Variants in RFX3 observed in about 807,000 individuals in gnomAD.
The protein encoded by RFX3 is regulatory factor X3, also known as transcription factor RFX3.
RFX3 carries 14 observed loss-of-function variants against 98.6 expected under a neutral mutation model. The ratio of observed to expected loss-of-function variants is 0.14; its 90% CI spans 0.09 to 0.22. RFX3 has a LOEUF of 0.22. Ranked by LOEUF, RFX3 falls within the 10% of genes least tolerant of loss-of-function variation. The pLI is 1.00. For synonymous variants in RFX3, 383 were observed against 328.4 expected, an observed-to-expected ratio of 1.17 and a Z score of -1.80; for missense variants, 639 against 926.9, an observed-to-expected ratio of 0.69 and a Z score of 4.03.
At chr9:3,323,894 G>A (rs769156158) in intron 4 of RFX3, 7 of 231,180 alleles carry the variant, frequency 3.0e-5, no homozygotes, top group Admixed American at 8.9e-5. Context: ...TATCAGCTTC[G>A]AGGCTGGAGC....
At chr9:3,486,736 T>C (rs1339844638) in intron 1 of RFX3, among the ~76,000 whole-genome samples, 1 of 152,232 alleles carries the variant, frequency 6.6e-6, no homozygotes, top group East Asian at 1.9e-4. Context: ...ATTTGTAGAA[T>C]GCTATGATTT....
intron 4 of RFX3, among the ~76,000 whole-genome samples, chr9:3,305,892 A>G (rs141210394): frequency 9.2e-5 from 14 of 152,166 alleles, no homozygotes; most frequent in East Asian, 1.9e-4. Flanking sequence ...GAGTTTACCA[A>G]TCTCAAGAAA....
chr9:3,446,852 A>T (rs893672435), intron 1 of RFX3, among the ~76,000 whole-genome samples: 1 of 152,110 alleles, frequency 6.6e-6, no homozygotes, highest in African/African-American at 2.4e-5. Context: ...CTGCTGTTTT[A>T]TGTTAAAATC....
intron 1 of RFX3, among the ~76,000 whole-genome samples, chr9:3,408,813 G>A (rs1010953838): frequency 6.6e-6 from 1 of 152,146 alleles, no homozygotes; most frequent in Non-Finnish European, 1.5e-5. Context: ...TCCAAATACA[G>A]TAGTAGTCTT....
At chr9:3,348,923 C>T (rs1038572106) in intron 2 of RFX3, among the ~76,000 whole-genome samples, 5 of 152,018 alleles carry the variant, frequency 3.3e-5, no homozygotes, top group African/African-American at 1.2e-4. Context: ...TACTCAAGAT[C>T]TGGAATCAGA....
intron 12 of RFX3, 54 bp from the exon 13 acceptor site, chr9:3,263,138 A>C: frequency 6.4e-7 from 1 of 1,571,690 alleles, no homozygotes. Flanking sequence ...AAAAGAAACC[A>C]CTGCAATTTT....
At chr9:3,247,574 A>C (rs1191429670) in intron 15 of RFX3, 1 of 1,216,620 alleles carries the variant, frequency 8.2e-7, no homozygotes, top group Admixed American at 3.9e-5. Flanking sequence ...GTGTCCAAAA[A>C]ATGTTAGTTA....
chr9:3,464,746 T>G (rs1254600779), intron 1 of RFX3, among the ~76,000 whole-genome samples: 2 of 152,136 alleles, frequency 1.3e-5, no homozygotes, highest in African/African-American at 4.8e-5. Flanking sequence ...TTAAAATTGG[T>G]GAATTACACA....
Position 3,263,091 on chromosome 9 carries a change from C to T in RFX3, c.1456-7G>A, listed in dbSNP as rs372891259. 1.8e-5 allele frequency: 29 copies of T among 1,612,034 alleles called. No homozygotes were observed. Among genetic ancestry groups the T allele is most frequent in the Admixed American group, 3.4e-5 (2 of 59,680 alleles). On this transcript the variant is annotated splice_region_variant and splice_polypyrimidine_tract_variant and intron_variant, in intron 12 of 16. Transcript: ENST00000617270. Reference sequence around the variant, plus strand: ...AGGCACTTACAGCGGCAACCTGTAACGCAATCCAATTAAGTTGGGATTCTG... The same window carrying T: ...AGGCACTTACAGCGGCAACCTGTAATGCAATCCAATTAAGTTGGGATTCTG...
chr9:3,279,848 T>G (rs1448330939), intron 7 of RFX3, among the ~76,000 whole-genome samples: 3 of 151,820 alleles, frequency 2.0e-5, no homozygotes, highest in Non-Finnish European at 4.4e-5. Flanking sequence ...ATGATTATAC[T>G]TAATGATACT....
chr9:3,282,573 A>C (rs146207687), intron 7 of RFX3, among the ~76,000 whole-genome samples: 199 of 151,896 alleles, frequency 1.3e-3, no homozygotes, highest in African/African-American at 4.6e-3. Flanking sequence ...GAGCTCTCCC[A>C]GGTGCTGAGG....
rs10971550 is a variant in RFX3, at chr9:3,361,918, G to A, written c.118-15154C>T. Among the ~76,000 whole-genome samples the A allele has an allele frequency of 3.2e-3, 485 of 152,204 alleles. 17 individuals are homozygous for A. In the East Asian group the frequency reaches 0.083, roughly 26 times the overall value. ...GCCATGATTGTGCCACTGCACTCCAGCCTGGTCAACAGAGCAAGACCCTGT... is the reference window on the plus strand; with the variant it reads ...GCCATGATTGTGCCACTGCACTCCAACCTGGTCAACAGAGCAAGACCCTGT... On this transcript the variant is annotated intron_variant, in intron 2 of 16. Transcript: ENST00000617270.
intron 7 of RFX3, among the ~76,000 whole-genome samples, chr9:3,283,521 A>T (rs1826186195): frequency 6.6e-6 from 1 of 151,750 alleles, no homozygotes; most frequent in Non-Finnish European, 1.5e-5. Flanking sequence ...TCGTTTAACT[A>T]GTCTATGAAC....
intron 15 of RFX3, among the ~76,000 whole-genome samples, chr9:3,231,906 A>G (rs1818504091): frequency 6.6e-6 from 1 of 152,064 alleles, no homozygotes; most frequent in African/African-American, 2.4e-5. Flanking sequence ...TCCACTAAAA[A>G]TATAAAAATT....
chr9:3,421,196 G>A (rs148622785), intron 1 of RFX3, among the ~76,000 whole-genome samples: 2 of 152,106 alleles, frequency 1.3e-5, no homozygotes, highest in African/African-American at 4.8e-5. Context: ...AACCTCTAAA[G>A]AACTACTCAG....
At chr9:3,365,221 A>G (rs554641582) in intron 2 of RFX3, among the ~76,000 whole-genome samples, 36 of 149,842 alleles carry the variant, frequency 2.4e-4, no homozygotes, top group African/African-American at 8.1e-4. Context: ...AATCGCTTGA[A>G]CCCAGGAAGT....
At chr9:3,368,129 C>T (rs1395361522) in intron 2 of RFX3, among the ~76,000 whole-genome samples, 2 of 152,132 alleles carry the variant, frequency 1.3e-5, no homozygotes, top group Non-Finnish European at 2.9e-5. Context: ...AGTGAAAATG[C>T]AATTTATTGC....
intron 14 of RFX3, among the ~76,000 whole-genome samples, chr9:3,253,341 A>G (rs1821678510): frequency 6.6e-6 from 1 of 152,196 alleles, no homozygotes; most frequent in African/African-American, 2.4e-5. Flanking sequence ...TTTTTGGAAG[A>G]TTCATATATT....
At chr9:3,300,282 T>C (rs1316355575) in intron 5 of RFX3, among the ~76,000 whole-genome samples, 1 of 151,778 alleles carries the variant, frequency 6.6e-6, no homozygotes, top group Non-Finnish European at 1.5e-5. Context: ...GGCCAGAATA[T>C]ATACTATCAT....
Sources: allele counts gnomAD v4.1 joint callset (sites outside exome capture counted in the v4.1 genomes callset), GRCh38; gene constraint gnomAD v4.1.1; transcripts MANE v1.5; gene names NCBI Gene and HGNC (gene_info 2026-07-23, HGNC 2026-07-21).